The following CACNA2D3 variants were observed in gnomAD, a reference collection of about 807,000 sequenced individuals.
CACNA2D3 encodes voltage-dependent calcium channel subunit alpha-2/delta-3.
A neutral mutation model predicts 160.6 loss-of-function variants in CACNA2D3; 60 were observed. The ratio of observed to expected loss-of-function variants is 0.37; its 90% CI spans 0.30 to 0.46. The LOEUF is 0.46. Ranked by LOEUF, CACNA2D3 falls within the 20% of genes least tolerant of loss-of-function variation. The pLI, the probability that CACNA2D3 is intolerant of heterozygous loss-of-function variation, is 1.00. For synonymous variants in CACNA2D3, 558 were observed against 492.9 expected (o/e 1.13, Z -1.75); for missense variants, 1,205 against 1,365.0 (o/e 0.88, Z 1.85).
chr3:54,635,866 C>G (rs950816064), intron 10 of CACNA2D3, among the ~76,000 whole-genome samples: 5 of 152,018 alleles, frequency 3.3e-5, no homozygotes, highest in Admixed American at 3.3e-4. Flanking sequence ...GGAATTATGT[C>G]TGACAGAACG....
At chr3:54,965,503 C>T (rs149877783) in intron 27 of CACNA2D3, among the ~76,000 whole-genome samples, 38 of 152,288 alleles carry the variant, frequency 2.5e-4, no homozygotes, top group Admixed American at 8.5e-4. Flanking sequence ...ATTCTCTGCA[C>T]GCTCCAGTTC....
At chr3:54,924,420 A>T (rs1700949686) in intron 27 of CACNA2D3, among the ~76,000 whole-genome samples, 1 of 152,224 alleles carries the variant, frequency 6.6e-6, no homozygotes, top group African/African-American at 2.4e-5. Context: ...ATATTTGTAG[A>T]TTAATTTCGA....
At chr3:55,060,196 T>C (rs1704472953) in intron 35 of CACNA2D3, among the ~76,000 whole-genome samples, 1 of 152,134 alleles carries the variant, frequency 6.6e-6, no homozygotes, top group African/African-American at 2.4e-5. Context: ...GGAATCCAGA[T>C]CATACCTATT....
At chr3:54,168,990 G>A (rs1436138624) in intron 2 of CACNA2D3, among the ~76,000 whole-genome samples, 2 of 152,130 alleles carry the variant, frequency 1.3e-5, no homozygotes, top group African/African-American at 4.8e-5. Flanking sequence ...GTATTGTATG[G>A]TGCTCAAAAC....
chr3:54,930,097 A>G (rs1252158808), intron 27 of CACNA2D3, among the ~76,000 whole-genome samples: 2 of 152,226 alleles, frequency 1.3e-5, no homozygotes, highest in Non-Finnish European at 2.9e-5. Flanking sequence ...CAATACATAA[A>G]TCAATGGGTG....
At chr3:54,923,369 A>G (rs1460492564) in intron 27 of CACNA2D3, among the ~76,000 whole-genome samples, 4 of 151,714 alleles carry the variant, frequency 2.6e-5, no homozygotes, top group Admixed American at 6.6e-5. Context: ...TGCGTTCACT[A>G]TTCCTTCCCC....
In CACNA2D3 at chr3:54,470,236, G is replaced by C. The variant is rs567021145; in HGVS notation, c.382-33256G>C. 2.0e-5 allele frequency among the ~76,000 whole-genome samples: 3 copies of C among 152,348 alleles called. No individual in the cohort carries two copies. In the South Asian group the frequency reaches 6.2e-4, roughly 32 times the overall value. Reference sequence around the variant, plus strand: ...CATCAGAATAACAGCAGATCTCTCTGCAGAAACCCTATAAGCCAGAAGAGA... The same window carrying C: ...CATCAGAATAACAGCAGATCTCTCTCCAGAAACCCTATAAGCCAGAAGAGA... On this transcript the variant is annotated intron_variant, in intron 4 of 37. Transcript: ENST00000474759.
rs181726929 is a variant in CACNA2D3, at chr3:54,658,699, C to T, written c.1167+16458C>T. 3.5e-4 allele frequency among the ~76,000 whole-genome samples: 53 copies of T among 152,266 alleles called. No homozygotes were observed. The East Asian group carries it at 9.8e-3, about 28-fold the overall frequency. On this transcript the variant is annotated intron_variant, in intron 11 of 37. Coordinates refer to ENST00000474759, the MANE Select transcript of CACNA2D3 (RefSeq NM_018398.3). The stretch of plus-strand genomic sequence containing the variant: ...GCTTCTGCACAGCAACGGATACAAT[C>T]AGCAGAGTAAAGAGGAAACCTATGG...
At chr3:54,835,254 G>A (rs1360571251) in intron 14 of CACNA2D3, among the ~76,000 whole-genome samples, 2 of 152,136 alleles carry the variant, frequency 1.3e-5, no homozygotes, top group Non-Finnish European at 2.9e-5. Flanking sequence ...TCCAACACCT[G>A]CCAGCTTCTC....
At chr3:54,948,352 T>C (rs1701668652) in intron 27 of CACNA2D3, among the ~76,000 whole-genome samples, 2 of 152,140 alleles carry the variant, frequency 1.3e-5, no homozygotes, top group Admixed American at 1.3e-4. Flanking sequence ...TTCTTGATAA[T>C]TGTCATTAGA....
At chr3:54,576,430 A>G (rs762654265) in intron 8 of CACNA2D3, among the ~76,000 whole-genome samples, 12 of 152,114 alleles carry the variant, frequency 7.9e-5, no homozygotes, top group Non-Finnish European at 1.5e-4. Context: ...CATTTAATCA[A>G]AGTTGTCTTT....
At chr3:54,787,753 G>A (rs1575475608) in intron 13 of CACNA2D3, among the ~76,000 whole-genome samples, 1 of 152,292 alleles carries the variant, frequency 6.6e-6, no homozygotes, top group East Asian at 1.9e-4. Flanking sequence ...AGTAAAGTTT[G>A]CTATGCAGAC....
chr3:54,489,596 T>C (rs1475919860), intron 4 of CACNA2D3, among the ~76,000 whole-genome samples: 1 of 152,218 alleles, frequency 6.6e-6, no homozygotes, highest in Admixed American at 6.5e-5. Flanking sequence ...ATTTTATAGA[T>C]GCGGAGCTGA....
chr3:54,646,989 T>G (rs1207341226), intron 11 of CACNA2D3, among the ~76,000 whole-genome samples: 1 of 152,136 alleles, frequency 6.6e-6, no homozygotes, highest in Admixed American at 6.6e-5. Flanking sequence ...CAGGCAGCCT[T>G]GAATGTGAGA....
chr3:54,620,602 A>C (rs1371744500), intron 9 of CACNA2D3, among the ~76,000 whole-genome samples: 1 of 152,202 alleles, frequency 6.6e-6, no homozygotes, highest in Non-Finnish European at 1.5e-5. Flanking sequence ...AGTCCTTCTG[A>C]AAATGGGACT....
intron 8 of CACNA2D3, among the ~76,000 whole-genome samples, chr3:54,576,640 T>A (rs1254832082): frequency 6.6e-6 from 1 of 152,210 alleles, no homozygotes; most frequent in Non-Finnish European, 1.5e-5. Context: ...AGTTGTGCGA[T>A]GTAGTCTAAT....
At chr3:54,853,315 A>G (rs999941298) in intron 17 of CACNA2D3, among the ~76,000 whole-genome samples, 4 of 152,216 alleles carry the variant, frequency 2.6e-5, no homozygotes, top group Non-Finnish European at 5.9e-5. Flanking sequence ...CAGAGCGGGT[A>G]GTCAGTAAAT....
chr3:54,477,300 GT>G (rs1700846878), intron 4 of CACNA2D3, among the ~76,000 whole-genome samples: 1 of 152,000 alleles, frequency 6.6e-6, no homozygotes, highest in Non-Finnish European at 1.5e-5. Flanking sequence ...CTTGGCCAAG[GT>G]CGTTGCGGGA....
At chr3:54,677,799 G>A (rs907871120) in intron 11 of CACNA2D3, among the ~76,000 whole-genome samples, 32 of 152,108 alleles carry the variant, frequency 2.1e-4, no homozygotes, top group Non-Finnish European at 4.6e-4. Flanking sequence ...GACCACAGGA[G>A]TAAAGTTTGA....
Sources: allele counts gnomAD v4.1 joint callset (sites outside exome capture counted in the v4.1 genomes callset), GRCh38; gene constraint gnomAD v4.1.1; transcripts MANE v1.5; gene names NCBI Gene and HGNC (gene_info 2026-07-23, HGNC 2026-07-21).